Variants in AGMO observed in about 807,000 individuals in gnomAD.
AGMO encodes alkylglycerol monooxygenase.
A neutral mutation model predicts 60.2 loss-of-function variants in AGMO; 75 were observed. That is an observed-to-expected ratio of 1.25 (90% confidence interval 1.03 to 1.51). The LOEUF (loss-of-function observed/expected upper bound fraction) is 1.51. AGMO is among the 40% of genes most tolerant of loss of function. The pLI is 0.00. For missense variants in AGMO, 763 were observed against 525.5 expected (o/e 1.45, Z -4.42); for synonymous variants, 261 against 177.1 (o/e 1.47, Z -3.76).
intron 12 of AGMO, among the ~76,000 whole-genome samples, chr7:15,281,735 C>T (rs1783972089): frequency 6.6e-6 from 1 of 152,150 alleles, no homozygotes; most frequent in Non-Finnish European, 1.5e-5. Context: ...CCCAGGGACA[C>T]CACTCCTACT....
intron 2 of AGMO, among the ~76,000 whole-genome samples, chr7:15,554,338 A>C (rs1004577153): frequency 5.3e-5 from 8 of 152,088 alleles, no homozygotes; most frequent in African/African-American, 1.9e-4. Context: ...TTATCACATG[A>C]AGATGGAATA....
At chr7:15,491,343 T>A (rs1014668976) in intron 3 of AGMO, among the ~76,000 whole-genome samples, 1 of 152,192 alleles carries the variant, frequency 6.6e-6, no homozygotes, top group Non-Finnish European at 1.5e-5. Context: ...AAGAAAAGTG[T>A]CATGCCTACG....
At chr7:15,228,890 G>A (rs141541530) in intron 12 of AGMO, among the ~76,000 whole-genome samples, 10 of 152,112 alleles carry the variant, frequency 6.6e-5, no homozygotes, top group Admixed American at 3.9e-4. Flanking sequence ...TGATATTTAC[G>A]CAGTGGTCCA....
chr7:15,493,362 C>CACACCCAT lies in AGMO; in HGVS notation c.409+51409_409+51410insATGGGTGT, dbSNP rs71004386. ...ACACACACACACACACACACACACA[C>CACACCCAT]TTCTTTTTTTTTTTTTTTTTTTTTT... On this transcript the variant is annotated intron_variant, in intron 3 of 12. Coordinates refer to ENST00000342526, the MANE Select transcript of AGMO (RefSeq NM_001004320.2). Among the ~76,000 whole-genome samples, 11 of 102,262 alleles carry CACACCCAT rather than the reference C, an allele frequency of 1.1e-4. 3 individuals are homozygous for CACACCCAT. Among genetic ancestry groups the CACACCCAT allele is most frequent in the African/African-American group, 2.0e-4 (5 of 24,924 alleles). The allele number at this position is 102,262 out of a possible 152,430, so 67.1% of individuals were successfully genotyped here.
chr7:15,262,556 CTGAA>C (rs943952593), intron 12 of AGMO, among the ~76,000 whole-genome samples: 7 of 151,748 alleles, frequency 4.6e-5, no homozygotes, highest in African/African-American at 1.7e-4. Context: ...AGTCTACAAA[CTGAA>C]TGCAATTTCC....
chr7:15,366,587 G>A (rs1782991030), intron 10 of AGMO, among the ~76,000 whole-genome samples: 1 of 151,906 alleles, frequency 6.6e-6, no homozygotes, highest in Non-Finnish European at 1.5e-5. Flanking sequence ...GCCATTTTTA[G>A]TATAACAAAA....
intron 12 of AGMO, among the ~76,000 whole-genome samples, chr7:15,287,868 A>C (rs1383681530): frequency 6.6e-6 from 1 of 152,168 alleles, no homozygotes; most frequent in African/African-American, 2.4e-5. Flanking sequence ...CCAGAATTCT[A>C]ACCTTTTCAA....
the AGMO span, among the ~76,000 whole-genome samples, chr7:15,176,022 C>T: frequency 1.6e-4 from 24 of 151,868 alleles, no homozygotes; most frequent in African/African-American, 5.6e-4. Context: ...CAAAGAGTAG[C>T]GATGTAATGT....
intron 3 of AGMO, among the ~76,000 whole-genome samples, chr7:15,473,362 A>T (rs74355808): frequency 6.6e-6 from 1 of 152,192 alleles, no homozygotes; most frequent in Middle Eastern, 3.4e-3. Context: ...TATCACAAGC[A>T]ATAGAAGAAA....
intron 3 of AGMO, among the ~76,000 whole-genome samples, chr7:15,491,473 T>G (rs944291360): frequency 6.6e-6 from 1 of 152,130 alleles, no homozygotes; most frequent in African/African-American, 2.4e-5. Flanking sequence ...ACCCTTAAAT[T>G]TAAGTATAGT....
the AGMO span, among the ~76,000 whole-genome samples, chr7:15,129,558 T>G: frequency 6.6e-6 from 1 of 152,108 alleles, no homozygotes. Flanking sequence ...AAAGGTAAAG[T>G]CCATATTACT....
chr7:15,517,049 C>G (rs999944406), intron 3 of AGMO, among the ~76,000 whole-genome samples: 4 of 151,616 alleles, frequency 2.6e-5, no homozygotes, highest in Admixed American at 1.3e-4. Context: ...TGAGAAAGAT[C>G]AACACTTTTA....
chr7:15,357,401 G>A (rs1039716940), intron 12 of AGMO, among the ~76,000 whole-genome samples: 5 of 151,786 alleles, frequency 3.3e-5, no homozygotes, highest in African/African-American at 7.3e-5. Context: ...AACCACCACC[G>A]TGAGATGAAC....
At chr7:15,218,318 GGTGTGTGTAT>G (rs1374377287) in intron 12 of AGMO, among the ~76,000 whole-genome samples, 16 of 108,232 alleles carry the variant, frequency 1.5e-4, no homozygotes, top group Non-Finnish European at 2.7e-4. Flanking sequence ...TATTGACTAT[GGTGTGTGTAT>G]GTGTGTGTGT....
the AGMO span, among the ~76,000 whole-genome samples, chr7:15,181,423 A>G: frequency 2.0e-5 from 3 of 152,078 alleles, no homozygotes; most frequent in Non-Finnish European, 2.9e-5. Flanking sequence ...TCTTCACTGG[A>G]CCCAAACGAA....
chr7:15,262,708 A>G (rs1327936391), intron 12 of AGMO, among the ~76,000 whole-genome samples: 1 of 152,150 alleles, frequency 6.6e-6, no homozygotes, highest in African/African-American at 2.4e-5. Flanking sequence ...ACCTGATGTT[A>G]TACTATAAGG....
At chr7:15,305,351 C>T (rs2128528285) in intron 12 of AGMO, among the ~76,000 whole-genome samples, 1 of 151,858 alleles carries the variant, frequency 6.6e-6, no homozygotes, top group South Asian at 2.1e-4. Context: ...CCCATCTCTC[C>T]TTGATATGGA....
At chr7:15,447,272 T>C in intron 3 of AGMO, among the ~76,000 whole-genome samples, 1 of 152,168 alleles carries the variant, frequency 6.6e-6, no homozygotes, top group South Asian at 2.1e-4. Context: ...TAGTGATCAA[T>C]TGTGTTAATA....
intron 5 of AGMO, among the ~76,000 whole-genome samples, chr7:15,409,500 TCA>T (rs558904644): frequency 4.5e-4 from 68 of 151,928 alleles, no homozygotes; most frequent in Non-Finnish European, 8.7e-4. Flanking sequence ...TGGGGTTTGA[TCA>T]CAGAGTTTGA....
Sources: allele counts gnomAD v4.1 joint callset (sites outside exome capture counted in the v4.1 genomes callset), GRCh38; gene constraint gnomAD v4.1.1; transcripts MANE v1.5; gene names NCBI Gene and HGNC (gene_info 2026-07-23, HGNC 2026-07-21).